The following GBE1 variants were observed in gnomAD, a reference collection of about 807,000 sequenced individuals.
The protein encoded by GBE1 is 1,4-alpha-glucan branching enzyme 1.
A neutral mutation model predicts 88.8 loss-of-function variants in GBE1; 70 were observed. That is an observed-to-expected ratio of 0.79 (90% CI 0.65 to 0.96). The LOEUF (loss-of-function observed/expected upper bound fraction) is 0.96. Ranked by LOEUF, GBE1 falls within the 40% of genes least tolerant of loss-of-function variation. The pLI is 0.00. For synonymous variants in GBE1, 284 were observed against 300.1 expected, an observed-to-expected ratio of 0.95 and a Z score of 0.56; for missense variants, 872 against 871.0, an observed-to-expected ratio of 1.00 and a Z score of -0.01.
intron 1 of GBE1, among the ~76,000 whole-genome samples, chr3:81,760,909 G>C (rs1207249738): frequency 6.6e-6 from 1 of 152,234 alleles, no homozygotes; most frequent in African/African-American, 2.4e-5. Context: ...AATCCTCTTA[G>C]ATATAAAATC....
intron 7 of GBE1, among the ~76,000 whole-genome samples, chr3:81,599,890 A>C (rs978884622): frequency 6.6e-6 from 1 of 152,230 alleles, no homozygotes. Context: ...GCTTATTTTA[A>C]AGGTAAAAGT....
At chr3:81,581,849 T>C (rs1317045199) in intron 10 of GBE1, among the ~76,000 whole-genome samples, 2 of 152,108 alleles carry the variant, frequency 1.3e-5, no homozygotes, top group Non-Finnish European at 1.5e-5. Flanking sequence ...TCTAACACTA[T>C]ACTTTTATGC....
At chr3:81,636,738 C>T (rs1240663505) in intron 7 of GBE1, among the ~76,000 whole-genome samples, 1 of 152,086 alleles carries the variant, frequency 6.6e-6, no homozygotes, top group Non-Finnish European at 1.5e-5. Context: ...CTATATTGGT[C>T]AGGCTGGTTT....
chr3:81,671,070 T>C lies in GBE1; in HGVS notation c.314-117A>G, dbSNP rs9863136. 0.14 allele frequency: 67,137 copies of C among 482,392 alleles called. 5,158 individuals are homozygous for C. Among genetic ancestry groups the C allele is most frequent in the Non-Finnish European group, 0.17 (46,480 of 278,240 alleles). 29.9% of individuals were successfully genotyped at this position (482,392 alleles called of 1,614,324 possible). A position where few individuals can be genotyped will look rare whatever the true frequency, so the allele number is the denominator to read the frequency against. Reference sequence around the variant, plus strand: ...AAAAAATCAAATTGTCTAAAATAATTGTTTTCTGAAGTGTTAATCAAAATA... The same window carrying C: ...AAAAAATCAAATTGTCTAAAATAATCGTTTTCTGAAGTGTTAATCAAAATA... On this transcript the variant is annotated intron_variant, in intron 2 of 15. Transcript: ENST00000429644.
At chr3:81,640,468 G>A (rs150911699) in intron 7 of GBE1, among the ~76,000 whole-genome samples, 1 of 152,148 alleles carries the variant, frequency 6.6e-6, no homozygotes, top group African/African-American at 2.4e-5. Flanking sequence ...ACTGAAGGCT[G>A]CACTATCGGC....
chr3:81,616,672 T>A (rs1704252396), intron 7 of GBE1, among the ~76,000 whole-genome samples: 1 of 152,134 alleles, frequency 6.6e-6, no homozygotes, highest in African/African-American at 2.4e-5. Flanking sequence ...TTTTAAGTGT[T>A]CTAATGTTTG....
intron 7 of GBE1, chr3:81,612,901 T>C: frequency 2.5e-6 from 1 of 396,520 alleles, no homozygotes; most frequent in South Asian, 2.2e-5. Flanking sequence ...TACTACTTGG[T>C]TCCTGATATG....
At chr3:81,576,492 G>T (rs1323940095) in intron 12 of GBE1, among the ~76,000 whole-genome samples, 1 of 152,088 alleles carries the variant, frequency 6.6e-6, no homozygotes, top group Non-Finnish European at 1.5e-5. Flanking sequence ...TGGTGACATG[G>T]TTATTTGCAT....
chr3:81,516,091 A>T (rs577085485), intron 14 of GBE1, among the ~76,000 whole-genome samples: 7 of 151,720 alleles, frequency 4.6e-5, no homozygotes, highest in Non-Finnish European at 1.0e-4. Context: ...ACTACACTAA[A>T]CAATGGATTT....
At chr3:81,552,889 T>C (rs1485695924) in intron 12 of GBE1, among the ~76,000 whole-genome samples, 1 of 152,170 alleles carries the variant, frequency 6.6e-6, no homozygotes, top group Non-Finnish European at 1.5e-5. Flanking sequence ...TAAAAAATAA[T>C]CTTCACAAAA....
intron 3 of GBE1, among the ~76,000 whole-genome samples, chr3:81,666,413 C>G (rs557234296): frequency 1.3e-5 from 2 of 152,248 alleles, no homozygotes; most frequent in South Asian, 4.1e-4. Flanking sequence ...AAAAGTAAAA[C>G]TGACTCTCTT....
At chr3:81,574,513 A>T (rs558850699) in intron 12 of GBE1, among the ~76,000 whole-genome samples, 5 of 151,200 alleles carry the variant, frequency 3.3e-5, no homozygotes, top group African/African-American at 9.8e-5. Context: ...ACCCAACAGT[A>T]TTCTTAACCA....
intron 12 of GBE1, among the ~76,000 whole-genome samples, chr3:81,558,763 A>G (rs1041127732): frequency 1.3e-5 from 2 of 152,126 alleles, no homozygotes; most frequent in Non-Finnish European, 2.9e-5. Context: ...TTATATCCAT[A>G]TAGTAATATT....
chr3:81,581,555 T>A (rs1359340790), intron 10 of GBE1, among the ~76,000 whole-genome samples: 1 of 152,020 alleles, frequency 6.6e-6, no homozygotes, highest in Non-Finnish European at 1.5e-5. Context: ...TCTTTGCAAC[T>A]ATTTTTCTGT....
At chr3:81,643,544 A>T (rs1704722116) in intron 6 of GBE1, among the ~76,000 whole-genome samples, 1 of 152,166 alleles carries the variant, frequency 6.6e-6, no homozygotes, top group African/African-American at 2.4e-5. Flanking sequence ...TGTCAAAGGT[A>T]CCCCCTAGTC....
At chr3:81,580,188 T>A (rs1294080024) in intron 11 of GBE1, among the ~76,000 whole-genome samples, 3 of 152,170 alleles carry the variant, frequency 2.0e-5, no homozygotes, top group Non-Finnish European at 1.5e-5. Flanking sequence ...CTACAAAAAG[T>A]AAATTTTATG....
At chr3:81,700,043 C>A (rs988754955) in intron 2 of GBE1, among the ~76,000 whole-genome samples, 3 of 152,296 alleles carry the variant, frequency 2.0e-5, no homozygotes, top group Middle Eastern at 3.4e-3. Context: ...ATCAGTGGCT[C>A]CCCATATTGG....
In GBE1 at chr3:81,495,446, C is replaced by T. The variant is rs374273446; in HGVS notation, c.2052+3664G>A. 1.9e-4 allele frequency among the ~76,000 whole-genome samples: 29 copies of T among 152,112 alleles called. No homozygotes were observed. The East Asian group carries it at 4.8e-3, about 25-fold the overall frequency. ...AGTCATCAGATTCTTTCATAGTCTA[C>T]ATAAACACTTTTTTATAATAAAAAT... On this transcript the variant is annotated intron_variant, in intron 15 of 15. Coordinates refer to ENST00000429644, the MANE Select transcript of GBE1 (RefSeq NM_000158.4).
Position 81,502,168 on chromosome 3 carries a change from A to G in GBE1, c.1935-2941T>C, listed in dbSNP as rs562294918. On this transcript the variant is annotated intron_variant, in intron 14 of 15. Transcript: ENST00000429644. ...ATAAAGTACAGACTGAGCTTCACAC[A>G]CCAAAAAATGCAATTTTAAAGTCAC... 2.6e-5 allele frequency among the ~76,000 whole-genome samples: 4 copies of G among 152,266 alleles called. No individual in the cohort carries two copies. The South Asian group carries it at 8.3e-4, about 32-fold the overall frequency.
Sources: gnomAD v4.1 joint callset for allele counts (sites outside exome capture counted in the v4.1 genomes callset) on GRCh38, gnomAD v4.1.1 for gene constraint, MANE v1.5 for transcripts, NCBI Gene and HGNC (gene_info 2026-07-23, HGNC 2026-07-21) for gene names.